SLC25A42: variants seen among roughly 807,000 people sequenced by gnomAD.
SLC25A42 encodes the protein mitochondrial coenzyme A transporter SLC25A42.
In SLC25A42, 19 loss-of-function variants were observed where a neutral mutation model predicts 34.7. The ratio of observed to expected loss-of-function variants is 0.55; its 90% CI spans 0.38 to 0.80. The LOEUF is 0.80. SLC25A42 is among the 30% of genes least tolerant of loss of function. The pLI, the probability that SLC25A42 is intolerant of heterozygous loss-of-function variation, is 0.00. For missense variants in SLC25A42, 364 were observed against 441.3 expected (o/e 0.82, Z 1.57); for synonymous variants, 205 against 191.2 (o/e 1.07, Z -0.59).
Position 19,106,401 on chromosome 19 carries a change from G to C in SLC25A42, c.497+16G>C, listed in dbSNP as rs775050844. The C allele has an allele frequency of 7.5e-6, 12 of 1,596,966 alleles. No homozygotes were observed. The highest frequency in any genetic ancestry group is 2.3e-5 in the East Asian group (1 of 44,380). The stretch of plus-strand genomic sequence containing the variant: ...CGAAGGAAATGTGAGTCCTTACATC[G>C]GTGATGCGCATCAGCCCCGGGGGCT... On this transcript the variant is annotated intron_variant, in intron 6 of 7. Transcript: ENST00000318596.
At chr19:19,108,833 A>C (rs1429764773) in intron 7 of SLC25A42, among the ~76,000 whole-genome samples, 2 of 151,996 alleles carry the variant, frequency 1.3e-5, no homozygotes. Flanking sequence ...TCTGTTGCCC[A>C]AGTTGGTCTC....
chr19:19,087,758 G>A (rs941300816), intron 1 of SLC25A42, among the ~76,000 whole-genome samples: 1 of 152,218 alleles, frequency 6.6e-6, no homozygotes, highest in Non-Finnish European at 1.5e-5. Flanking sequence ...CCAAATGAGA[G>A]CAGCACAGGC....
At chr19:19,100,070 G>A (rs1314613056) in intron 2 of SLC25A42, among the ~76,000 whole-genome samples, 3 of 151,904 alleles carry the variant, frequency 2.0e-5, no homozygotes, top group East Asian at 4.0e-4. Flanking sequence ...GGCCGGGCGC[G>A]GTGTCTCATG....
chr19:19,096,097 G>A lies in SLC25A42; in HGVS notation c.-28G>A. Reference sequence around the variant, plus strand: ...CCTCCCCTTACCCCCCCAGGACCGAGTCTCCTGCCATTCCGAGCAGGCCTG... The same window carrying A: ...CCTCCCCTTACCCCCCCAGGACCGAATCTCCTGCCATTCCGAGCAGGCCTG... On this transcript the variant is annotated 5_prime_UTR_variant, in exon 2 of 8. Transcript: ENST00000318596. 1 of 1,605,804 alleles carries A rather than the reference G, an allele frequency of 6.2e-7. No homozygotes were observed. The highest frequency in any genetic ancestry group is 8.5e-7 in the Non-Finnish European group (1 of 1,172,694).
chr19:19,107,018 A>T (rs1390255493), intron 6 of SLC25A42: 1 of 151,518 alleles, frequency 6.6e-6, no homozygotes, highest in African/African-American at 2.4e-5. Context: ...AAAATGTGTA[A>T]GAATAGACCG....
intron 1 of SLC25A42, among the ~76,000 whole-genome samples, chr19:19,088,458 G>A (rs1053178926): frequency 3.3e-5 from 5 of 151,706 alleles, no homozygotes; most frequent in Non-Finnish European, 7.4e-5. Context: ...TGCCTGCGTC[G>A]GCCTCCCAAA....
At chr19:19,064,974 A>T (rs1206117039) in intron 1 of SLC25A42, among the ~76,000 whole-genome samples, 3 of 152,114 alleles carry the variant, frequency 2.0e-5, no homozygotes, top group African/African-American at 7.2e-5. Flanking sequence ...TCTCCATTTT[A>T]CCAGCCACAG....
intron 1 of SLC25A42, among the ~76,000 whole-genome samples, chr19:19,089,657 C>T (rs1369140021): frequency 6.6e-6 from 1 of 152,022 alleles, no homozygotes; most frequent in Non-Finnish European, 1.5e-5. Flanking sequence ...CACCTGAGGT[C>T]AGGAGATTGA....
chr19:19,092,477 C>T lies in SLC25A42; in HGVS notation c.-34-3614C>T, dbSNP rs114039314. Among the ~76,000 whole-genome samples the T allele has an allele frequency of 1.6e-3, 248 of 152,238 alleles. 1 individual carries two copies. Among genetic ancestry groups the T allele is most frequent in the African/African-American group, 5.8e-3 (240 of 41,542 alleles). ...GCAGGTGATCCAGTGAAGGATGGTA[C>T]CATGGGCACTGCAGGCAGCCCTGTC... On this transcript the variant is annotated intron_variant, in intron 1 of 7. Transcript: ENST00000318596.
At chr19:19,107,529 G>A (rs1351032892) in intron 6 of SLC25A42, among the ~76,000 whole-genome samples, 1 of 152,208 alleles carries the variant, frequency 6.6e-6, no homozygotes, top group East Asian at 1.9e-4. Context: ...TACTTGGGAG[G>A]CTGAAGCAGG....
intron 1 of SLC25A42, among the ~76,000 whole-genome samples, chr19:19,068,070 T>C (rs941553093): frequency 6.6e-6 from 1 of 152,120 alleles, no homozygotes; most frequent in Non-Finnish European, 1.5e-5. Flanking sequence ...ATAAAAAGTA[T>C]ATTGGCCGGG....
intron 1 of SLC25A42, among the ~76,000 whole-genome samples, chr19:19,091,320 T>C (rs2059737031): frequency 6.6e-6 from 1 of 151,834 alleles, no homozygotes; most frequent in Non-Finnish European, 1.5e-5. Flanking sequence ...TAGCCGGGCA[T>C]GGTGGTGCGC....
intron 1 of SLC25A42, among the ~76,000 whole-genome samples, chr19:19,088,292 G>A (rs957334845): frequency 8.8e-5 from 13 of 147,268 alleles, no homozygotes; most frequent in Admixed American, 2.8e-4. Context: ...TGCAAGCTCC[G>A]CCTTCCGGGT....
At chr19:19,065,239 C>T (rs1168872066) in intron 1 of SLC25A42, among the ~76,000 whole-genome samples, 3 of 152,108 alleles carry the variant, frequency 2.0e-5, no homozygotes, top group Admixed American at 1.3e-4. Context: ...ATCTTGGGTG[C>T]CTCCTGCAGG....
Position 19,108,034 on chromosome 19 carries a change from G to T in SLC25A42, c.638G>T (p.Ser213Ile). ...TTCTTCACCTATGAGACGCTCAAGA[G>T]CTTGCACAGAGGTAAGGAGAGCTGG... ...LSFFTYETLK[S>I]LHREYSGRRQ... is the part of the protein sequence containing the mutation. Residue 213 changes from serine (S) to isoleucine (I), a missense_variant, in exon 7 of 8, where the codon AGC becomes ATC. By Grantham distance (142) the Ser-to-Ile change is moderately radical. Coordinates refer to ENST00000318596, the MANE Select transcript of SLC25A42 (RefSeq NM_178526.5). The T allele has an allele frequency of 6.3e-7, 1 of 1,589,696 alleles. No homozygotes were observed. Among genetic ancestry groups the T allele is most frequent in the Non-Finnish European group, 8.6e-7 (1 of 1,166,398 alleles).
chr19:19,065,723 A>G (rs967022959), intron 1 of SLC25A42, among the ~76,000 whole-genome samples: 1 of 152,172 alleles, frequency 6.6e-6, no homozygotes, highest in Non-Finnish European at 1.5e-5. Flanking sequence ...ATGTATGTAT[A>G]TGTGTGTGTG....
At chr19:19,102,424 T>C (rs1339645735) in intron 3 of SLC25A42, among the ~76,000 whole-genome samples, 2 of 151,942 alleles carry the variant, frequency 1.3e-5, no homozygotes, top group South Asian at 2.1e-4. Context: ...CTGCACTCAA[T>C]TGGGTTTTTT....
intron 6 of SLC25A42, 31 bp downstream of exon 6, chr19:19,106,416 C>A: frequency 6.4e-7 from 1 of 1,561,520 alleles, no homozygotes; most frequent in Non-Finnish European, 8.7e-7. Context: ...TGCGCATCAG[C>A]CCCGGGGGCT....
At chr19:19,105,452 G>A (rs993538410) in intron 4 of SLC25A42, 109 bp from the exon 5 acceptor site, 3 of 1,341,406 alleles carry the variant, frequency 2.2e-6, no homozygotes, top group African/African-American at 2.9e-5. Flanking sequence ...GCATGGAGAT[G>A]GGGTCACCCC....
Sources: allele counts gnomAD v4.1 joint callset (sites outside exome capture counted in the v4.1 genomes callset), GRCh38; gene constraint gnomAD v4.1.1; transcripts MANE v1.5; gene names NCBI Gene and HGNC (gene_info 2026-07-23, HGNC 2026-07-21).